The following CCDC148 variants were observed in gnomAD, a reference collection of about 807,000 sequenced individuals.
CCDC148 encodes the protein coiled-coil domain containing 148.
CCDC148 carries 89 observed loss-of-function variants against 85.7 expected under a neutral mutation model. The ratio of observed to expected loss-of-function variants is 1.04; its 90% CI spans 0.87 to 1.24. The LOEUF (loss-of-function observed/expected upper bound fraction) is 1.24, where lower values mean the gene tolerates loss of function less well. Ranked by LOEUF, CCDC148 falls within the 50% of genes most tolerant of loss-of-function variation. CCDC148 has a pLI of 0.00. For synonymous variants in CCDC148, 230 were observed against 213.9 expected (o/e 1.08, Z -0.66); for missense variants, 692 against 671.7 (o/e 1.03, Z -0.33).
chr2:158,381,904 T>C (rs1684886956), intron 1 of CCDC148, among the ~76,000 whole-genome samples: 3 of 152,114 alleles, frequency 2.0e-5, no homozygotes, highest in African/African-American at 2.4e-5. Context: ...TGAATGTTGG[T>C]GTTTCATGCC....
chr2:158,242,960 C>G (rs1426999929), intron 10 of CCDC148, among the ~76,000 whole-genome samples: 1 of 151,912 alleles, frequency 6.6e-6, no homozygotes, highest in Non-Finnish European at 1.5e-5. Context: ...ACTTCCTCTC[C>G]CCAGGAGGGT....
At chr2:158,434,708 C>CA (rs143584486) in intron 1 of CCDC148, among the ~76,000 whole-genome samples, 25,309 of 151,988 alleles carry the variant, frequency 0.17, 2,269 homozygotes, top group Middle Eastern at 0.21. Flanking sequence ...GAACCCACTG[C>CA]AAAGAAGCTA....
intron 2 of CCDC148, among the ~76,000 whole-genome samples, chr2:158,350,487 A>T (rs1257020733): frequency 2.0e-5 from 3 of 152,186 alleles, no homozygotes; most frequent in Non-Finnish European, 4.4e-5. Flanking sequence ...TACCTTGGGA[A>T]AGAAATTTGG....
At chr2:158,316,908 C>A (rs940976155) in intron 7 of CCDC148, among the ~76,000 whole-genome samples, 1 of 152,154 alleles carries the variant, frequency 6.6e-6, no homozygotes, top group Non-Finnish European at 1.5e-5. Flanking sequence ...AAATCAGATT[C>A]AATATATTTG....
At chr2:158,328,834 A>G (rs1692934136) in intron 7 of CCDC148, among the ~76,000 whole-genome samples, 2 of 152,090 alleles carry the variant, frequency 1.3e-5, no homozygotes, top group South Asian at 2.1e-4. Flanking sequence ...GTCTGTTCAT[A>G]TCCTTCACCC....
intron 1 of CCDC148, among the ~76,000 whole-genome samples, chr2:158,449,605 T>C (rs1256715592): frequency 6.6e-6 from 1 of 152,086 alleles, no homozygotes; most frequent in Non-Finnish European, 1.5e-5. Context: ...CCCACCACCA[T>C]GCCAAGCTAA....
chr2:158,246,487 A>G (rs1688575150), intron 10 of CCDC148, among the ~76,000 whole-genome samples: 1 of 152,116 alleles, frequency 6.6e-6, no homozygotes, highest in Admixed American at 6.5e-5. Context: ...ACACACACAC[A>G]TACACGCACA....
intron 2 of CCDC148, among the ~76,000 whole-genome samples, chr2:158,351,131 T>C (rs1333402925): frequency 2.0e-5 from 3 of 152,190 alleles, no homozygotes; most frequent in East Asian, 3.9e-4. Context: ...TTGCAGTTTA[T>C]ACTTCGGATA....
intron 1 of CCDC148, among the ~76,000 whole-genome samples, chr2:158,443,939 G>A (rs1046724007): frequency 6.6e-6 from 1 of 152,134 alleles, no homozygotes; most frequent in African/African-American, 2.4e-5. Context: ...ATAGTCAATA[G>A]GTTGCAATTC....
chr2:158,211,924 T>G (rs7568880), intron 11 of CCDC148, among the ~76,000 whole-genome samples: 24 of 152,254 alleles, frequency 1.6e-4, no homozygotes, highest in East Asian at 7.7e-4. Context: ...AGAACTACTA[T>G]GATAATATCC....
chr2:158,215,883 A>G (rs4664935), intron 11 of CCDC148, among the ~76,000 whole-genome samples: 143,414 of 152,186 alleles, frequency 0.94, 68,080 homozygotes, highest in Non-Finnish European at 1. Flanking sequence ...AGTACTTGCT[A>G]ACTCTCTTCA....
chr2:158,355,802 A>G (rs1167712457), intron 2 of CCDC148, among the ~76,000 whole-genome samples: 2 of 134,432 alleles, frequency 1.5e-5, no homozygotes, highest in Non-Finnish European at 3.1e-5. Flanking sequence ...ACAAAGCTGG[A>G]GGCATCACAC....
chr2:158,199,549 A>T (rs1006203904), intron 11 of CCDC148, among the ~76,000 whole-genome samples: 2 of 152,188 alleles, frequency 1.3e-5, no homozygotes, highest in African/African-American at 4.8e-5. Flanking sequence ...CCGGCCTTTG[A>T]TATTAATTTA....
chr2:158,325,603 C>T (rs896682175), intron 7 of CCDC148, among the ~76,000 whole-genome samples: 10 of 151,176 alleles, frequency 6.6e-5, no homozygotes, highest in South Asian at 2.1e-4. Context: ...AATTCCAAAC[C>T]CATATAGCCA....
intron 11 of CCDC148, among the ~76,000 whole-genome samples, chr2:158,185,190 T>G (rs1685097080): frequency 6.6e-6 from 1 of 152,096 alleles, no homozygotes; most frequent in African/African-American, 2.4e-5. Flanking sequence ...CTGACACACA[T>G]GGATGACAGG....
At chr2:158,274,520 G>T (rs1212792146) in intron 9 of CCDC148, among the ~76,000 whole-genome samples, 1 of 152,122 alleles carries the variant, frequency 6.6e-6, no homozygotes, top group Non-Finnish European at 1.5e-5. Flanking sequence ...ATTATTTTAT[G>T]CTCAGTTATT....
intron 10 of CCDC148, among the ~76,000 whole-genome samples, chr2:158,227,715 C>T (rs755521948): frequency 6.0e-4 from 91 of 152,208 alleles, no homozygotes; most frequent in Admixed American, 1.7e-3. Flanking sequence ...GAAATGATTC[C>T]CTATTTAATA....
chr2:158,182,347 G>A (rs1684944941), intron 11 of CCDC148, among the ~76,000 whole-genome samples: 1 of 152,132 alleles, frequency 6.6e-6, no homozygotes, highest in East Asian at 1.9e-4. Flanking sequence ...ATTTAGGGAA[G>A]TGAGGAGGAT....
intron 1 of CCDC148, among the ~76,000 whole-genome samples, chr2:158,454,652 G>A (rs1688530632): frequency 6.6e-6 from 1 of 152,218 alleles, no homozygotes; most frequent in Non-Finnish European, 1.5e-5. Context: ...CCTGGATAAT[G>A]TTCCTGGATA....
Sources: allele counts gnomAD v4.1 joint callset (sites outside exome capture counted in the v4.1 genomes callset), GRCh38; gene constraint gnomAD v4.1.1; transcripts MANE v1.5; gene names NCBI Gene and HGNC (gene_info 2026-07-23, HGNC 2026-07-21).